The following TRPC4 variants were observed in gnomAD, a reference collection of about 807,000 sequenced individuals.
TRPC4 encodes transient receptor potential cation channel subfamily C member 4.
A neutral mutation model predicts 99.4 loss-of-function variants in TRPC4; 49 were observed. The observed-to-expected ratio is 0.49, with a 90% CI of 0.39 to 0.63. The LOEUF (loss-of-function observed/expected upper bound fraction) is 0.63. TRPC4 is among the 20% of genes least tolerant of loss of function. The pLI, the probability that TRPC4 is intolerant of heterozygous loss-of-function variation, is 0.00. For synonymous variants in TRPC4, 454 were observed against 425.9 expected (o/e 1.07, Z -0.81); for missense variants, 898 against 1,152.9 (o/e 0.78, Z 3.20).
chr13:37,639,018 T>C (rs776866033), intron 10 of TRPC4, 22 bp downstream of exon 10: 20 of 1,610,494 alleles, frequency 1.2e-5, no homozygotes, highest in South Asian at 1.2e-4. Context: ...CTGCCTCTTG[T>C]GATGAAGATG....
chr13:37,822,050 A>T (rs950023691), intron 1 of TRPC4, among the ~76,000 whole-genome samples: 1 of 152,168 alleles, frequency 6.6e-6, no homozygotes, highest in South Asian at 2.1e-4. Flanking sequence ...AAATATTTGA[A>T]AAAAATGCAT....
intron 3 of TRPC4, among the ~76,000 whole-genome samples, chr13:37,704,579 T>C (rs1251265058): frequency 6.6e-6 from 1 of 152,024 alleles, no homozygotes; most frequent in Non-Finnish European, 1.5e-5. Flanking sequence ...GAGGTTGCAG[T>C]GAGGTGAGAT....
At chr13:37,710,580 A>T (rs902541463) in intron 3 of TRPC4, among the ~76,000 whole-genome samples, 4 of 151,926 alleles carry the variant, frequency 2.6e-5, no homozygotes, top group Admixed American at 6.6e-5. Context: ...CATCAAAGAG[A>T]AAGACACAGC....
At chr13:37,689,047 T>C (rs1025222683) in intron 4 of TRPC4, among the ~76,000 whole-genome samples, 4 of 152,176 alleles carry the variant, frequency 2.6e-5, no homozygotes, top group African/African-American at 9.7e-5. Flanking sequence ...TGGTTAAAGA[T>C]TAACGCATTC....
chr13:37,783,490 G>T, intron 1 of TRPC4, 130 bp from the exon 2 acceptor site: 2 of 619,722 alleles, frequency 3.2e-6, no homozygotes, highest in Non-Finnish European at 4.7e-6. Flanking sequence ...TAAGAGTTAA[G>T]GTTTTTTTTT....
At chr13:37,803,748 G>C (rs1957464562) in intron 1 of TRPC4, among the ~76,000 whole-genome samples, 1 of 151,984 alleles carries the variant, frequency 6.6e-6, no homozygotes, top group African/African-American at 2.4e-5. Flanking sequence ...TGGTTAACAG[G>C]GATCTGAATG....
intron 2 of TRPC4, among the ~76,000 whole-genome samples, chr13:37,757,216 G>A (rs572711500): frequency 1.9e-3 from 291 of 152,072 alleles, no homozygotes; most frequent in African/African-American, 6.7e-3. Flanking sequence ...ATAGTGATAC[G>A]ATAGGAAAAT....
At chr13:37,788,869 T>C (rs1957038049) in intron 1 of TRPC4, among the ~76,000 whole-genome samples, 1 of 152,170 alleles carries the variant, frequency 6.6e-6, no homozygotes, top group Non-Finnish European at 1.5e-5. Context: ...CCTATTTAAA[T>C]GTAAATTAAC....
At chr13:37,656,909 A>C (rs1011855612) in intron 6 of TRPC4, among the ~76,000 whole-genome samples, 2 of 152,176 alleles carry the variant, frequency 1.3e-5, no homozygotes, top group Admixed American at 6.6e-5. Flanking sequence ...GGCTTGCTCT[A>C]GGTTCTGCCC....
At chr13:37,793,635 G>A (rs1957175698) in intron 1 of TRPC4, among the ~76,000 whole-genome samples, 1 of 152,040 alleles carries the variant, frequency 6.6e-6, no homozygotes, top group Non-Finnish European at 1.5e-5. Context: ...GTTTGACAAA[G>A]CATTCAACTT....
At chr13:37,696,100 G>C (rs878871613) in intron 3 of TRPC4, among the ~76,000 whole-genome samples, 1 of 152,172 alleles carries the variant, frequency 6.6e-6, no homozygotes, top group Non-Finnish European at 1.5e-5. Context: ...TGTGGTGGTA[G>C]GTAAGAGGCA....
intron 3 of TRPC4, among the ~76,000 whole-genome samples, chr13:37,744,837 T>C (rs1401282787): frequency 6.6e-6 from 1 of 152,148 alleles, no homozygotes; most frequent in Non-Finnish European, 1.5e-5. Context: ...AAACAGTCTT[T>C]TGAGAACTCA....
At chr13:37,779,347 C>T (rs920668809) in intron 2 of TRPC4, among the ~76,000 whole-genome samples, 2 of 151,710 alleles carry the variant, frequency 1.3e-5, no homozygotes, top group Non-Finnish European at 2.9e-5. Context: ...TGCAATGATT[C>T]CTGCTTAGTG....
At chr13:37,775,779 T>C (rs1299310289) in intron 2 of TRPC4, among the ~76,000 whole-genome samples, 6 of 149,688 alleles carry the variant, frequency 4.0e-5, no homozygotes. Flanking sequence ...TTATTACTTG[T>C]GGCTTTTTTG....
intron 2 of TRPC4, among the ~76,000 whole-genome samples, chr13:37,748,530 T>G (rs1673031923): frequency 6.6e-6 from 1 of 152,120 alleles, no homozygotes; most frequent in South Asian, 2.1e-4. Context: ...ATAGTAAGTT[T>G]ATTAAAATAT....
intron 1 of TRPC4, among the ~76,000 whole-genome samples, chr13:37,831,314 C>A (rs1361225167): frequency 2.0e-5 from 3 of 152,090 alleles, no homozygotes; most frequent in East Asian, 1.9e-4. Context: ...CAGGGAAATG[C>A]AAATTAAAAT....
chr13:37,778,566 T>G (rs1956765405), intron 2 of TRPC4, among the ~76,000 whole-genome samples: 1 of 151,992 alleles, frequency 6.6e-6, no homozygotes, highest in Non-Finnish European at 1.5e-5. Flanking sequence ...TGTCCCTCCT[T>G]TGTAAAATGA....
At chr13:37,809,471 T>G (rs1406451227) in intron 1 of TRPC4, among the ~76,000 whole-genome samples, 120 of 143,630 alleles carry the variant, frequency 8.4e-4, no homozygotes, top group Middle Eastern at 3.4e-3. Flanking sequence ...TTTTGTGTTT[T>G]TTTTTTTTTA....
In TRPC4 at chr13:37,766,979, A is replaced by G. The variant is rs147676988; in HGVS notation, c.378+15977T>C. 6.4e-4 allele frequency among the ~76,000 whole-genome samples: 97 copies of G among 151,674 alleles called. 1 individual carries two copies. The highest frequency in any genetic ancestry group is 3.4e-3 in the Middle Eastern group (1 of 294). The stretch of plus-strand genomic sequence containing the variant: ...TTTATTTTTCTATTAATGAGAAAGT[A>G]AATTTCAGAATATTAGATAAAATTT... On this transcript the variant is annotated intron_variant, in intron 2 of 10. Transcript: ENST00000379705.
Sources: allele counts gnomAD v4.1 joint callset (sites outside exome capture counted in the v4.1 genomes callset), GRCh38; gene constraint gnomAD v4.1.1; transcripts MANE v1.5; gene names NCBI Gene and HGNC (gene_info 2026-07-23, HGNC 2026-07-21).